Variants in C2 observed in about 807,000 individuals in gnomAD.
The protein encoded by C2 is complement C2.
Under a neutral mutation model 85.2 loss-of-function variants are expected in C2, and 64 were observed. That is an observed-to-expected ratio of 0.75 (90% CI 0.61 to 0.92). The LOEUF is 0.92. C2 is among the 40% of genes least tolerant of loss of function. The pLI, the probability that C2 is intolerant of heterozygous loss-of-function variation, is 0.00. For synonymous variants in C2, 311 were observed against 370.8 expected (o/e 0.84, Z 1.85); for missense variants, 820 against 971.6 (o/e 0.84, Z 2.07).
rs1454976162 is a variant in C2 at position 31,934,227 on chromosome 6, G to A, written c.777G>A (p.Leu259=). The A allele has an allele frequency of 6.2e-7, 1 of 1,614,156 alleles. No homozygotes were observed. The highest frequency in any genetic ancestry group is 8.5e-7 in the Non-Finnish European group (1 of 1,180,018). ...GTCATCTGAACCTCTACCTGCTCCT[G>A]GACTGTTCGCAGAGTGTGTCGGAAA... is the stretch of plus-strand genomic sequence containing the variant. The part of the protein sequence containing the change: ...RSGHLNLYLL[L]DCSQSVSEND... Residue 259 remains leucine (L), a synonymous_variant, in exon 6 of 18, where the codon CTG becomes CTA. Coordinates refer to ENST00000299367, the MANE Select transcript of C2 (RefSeq NM_000063.6).
In C2 at chr6:31,920,285, G is replaced by A. The variant is rs17201403; in HGVS notation, c.-100+259G>A. Reference sequence around the variant, plus strand: ...AGTGAGGGCAGGAGGATTCTCCCATGTGAGCCCCAGGCTATCCTTTTGTCA... The same window carrying A: ...AGTGAGGGCAGGAGGATTCTCCCATATGAGCCCCAGGCTATCCTTTTGTCA... On this transcript the variant is annotated intron_variant, in intron 1 of 3. Transcript: ENST00000413154. This position sits in a 1 kb window ranked among gnomAD's most constrained non-coding sequence, Gnocchi z 5.6. 2,213 of 152,412 alleles carry A rather than the reference G, an allele frequency of 0.015. 25 individuals carry two copies. The highest frequency in any genetic ancestry group is 0.078 in the Middle Eastern group (23 of 294). 9.4% of individuals were successfully genotyped at this position (152,412 alleles called of 1,614,324 possible).
intron 1 of C2, among the ~76,000 whole-genome samples, chr6:31,902,809 T>C (rs897956746): frequency 6.6e-6 from 1 of 152,142 alleles, no homozygotes; most frequent in Non-Finnish European, 1.5e-5. Context: ...GCAGTCGCCC[T>C]CCGCTTGTGC....
rs1267985485 is a variant in C2 at position 31,904,663 on chromosome 6, C to T, written c.73+3524C>T. Among the ~76,000 whole-genome samples the T allele has an allele frequency of 6.6e-6, 1 of 152,068 alleles. No homozygotes were observed. The highest frequency in any genetic ancestry group is 6.6e-5 in the Admixed American group (1 of 15,260). ...TTTCTATCTCATCTCTTCTTTTCCG[C>T]ATTGCCAAACTTCTCAGAAGAATAG... On this transcript the variant is annotated intron_variant, in intron 1 of 3. Coordinates refer to the C2 transcript ENST00000452202. This position sits in a 1 kb window ranked among gnomAD's most constrained non-coding sequence, Gnocchi z 4.4.
chr6:31,916,680 C>A (rs967266293), upstream of C2, among the ~76,000 whole-genome samples: 2 of 151,322 alleles, frequency 1.3e-5, no homozygotes, highest in Non-Finnish European at 2.9e-5. Context: ...GGACAGGAGG[C>A]AGGAGCATCT....
upstream of C2, among the ~76,000 whole-genome samples, chr6:31,917,000 C>T (rs1046331945): frequency 2.0e-5 from 3 of 150,832 alleles, no homozygotes; most frequent in Admixed American, 1.3e-4. Context: ...GGTGAAACCT[C>T]GTCTCTACTA....
chr6:31,916,558 CA>C (rs9279453), upstream of C2, among the ~76,000 whole-genome samples: 51,930 of 81,134 alleles, frequency 0.64, 14,175 homozygotes, highest in Middle Eastern at 0.8. Flanking sequence ...GACTCCGTCT[CA>C]AAAAAAAAAA....
chr6:31,942,186 T>C (rs1770944031), intron 9 of C2, among the ~76,000 whole-genome samples: 1 of 149,448 alleles, frequency 6.7e-6, no homozygotes, highest in Non-Finnish European at 1.5e-5. Context: ...AATGGCGCGA[T>C]CTTGGCTCAC....
chr6:31,918,398 G>T (rs996720669), upstream of C2, among the ~76,000 whole-genome samples: 4 of 151,930 alleles, frequency 2.6e-5, no homozygotes, highest in African/African-American at 7.2e-5. Flanking sequence ...GCCAGTCCGG[G>T]CAACATACTG....
At chr6:31,899,720 C>T, upstream of C2, 1 of 586,202 alleles carries the variant, frequency 1.7e-6, no homozygotes, top group Non-Finnish European at 2.9e-6. Context: ...CTCCAAGAAC[C>T]CTTTTCCCAG....
chr6:31,921,614 C>G lies in C2; in HGVS notation c.-100+1588C>G, dbSNP rs537983048. On this transcript the variant is annotated intron_variant, in intron 1 of 3. Transcript: ENST00000413154. This position sits in a 1 kb window ranked among gnomAD's most constrained non-coding sequence, Gnocchi z 4.6. ...GGAGCCATGCTGCCTGGGTTTGAAT[C>G]CCGGCTCTGCTGCTTAGTACCTGTA... 6.7e-6 allele frequency among the ~76,000 whole-genome samples: 1 copy of G among 148,806 alleles called. No homozygotes were observed. The highest frequency in any genetic ancestry group is 2.1e-4 in the South Asian group (1 of 4,816).
At chr6:31,905,557 G>A (rs889263795) in intron 1 of C2, among the ~76,000 whole-genome samples, 3 of 151,326 alleles carry the variant, frequency 2.0e-5, no homozygotes, top group Admixed American at 6.6e-5. Context: ...ACTTAAGGCC[G>A]GGAGTTTGAG....
intron 1 of C2, among the ~76,000 whole-genome samples, chr6:31,902,675 G>A: frequency 6.6e-6 from 1 of 152,142 alleles, no homozygotes; most frequent in East Asian, 1.9e-4. Context: ...CCTGAAATAT[G>A]ATTTCACTTT....
chr6:31,912,795 A>C (rs956628382), intron 1 of C2, among the ~76,000 whole-genome samples: 1 of 151,332 alleles, frequency 6.6e-6, no homozygotes, highest in African/African-American at 2.4e-5. Flanking sequence ...AGCTGAGATC[A>C]TATCACTACA....
rs374481091 is a variant in C2, at chr6:31,944,805, G to A, written c.1981G>A (p.Asp661Asn). The A allele has an allele frequency of 6.0e-5, 96 of 1,612,960 alleles. No homozygotes were observed. The highest frequency in any genetic ancestry group is 7.8e-5 in the Non-Finnish European group (92 of 1,180,030). ...NLTDVREVVT[D>N]QFLCSGTQED... ...GACAGATGTCAGGGAGGTGGTGACA[G>A]ACCAGTTCCTATGCAGTGGGACCCA... The change falls in exon 16 of 18, where the codon GAC (aspartate) becomes AAC (asparagine). Residue 661 changes from aspartate to asparagine, a missense_variant. By Grantham distance (23) the Asp-to-Asn change is conservative (BLOSUM62 1). Transcript: ENST00000299367. This position sits in a 1 kb window ranked among gnomAD's most constrained non-coding sequence, Gnocchi z 5.1.
At position 31,920,300 on chromosome 6, in the gene C2, T is replaced by A. The variant is rs932217104; in HGVS notation, c.-100+274T>A. 6 of 152,260 alleles carry A rather than the reference T, an allele frequency of 3.9e-5. No homozygotes were observed. Among genetic ancestry groups the A allele is most frequent in the African/African-American group, 1.4e-4 (6 of 41,430 alleles). The allele number at this position is 152,260 out of a possible 1,614,324, so 9.4% of individuals were successfully genotyped here. On this transcript the variant is annotated intron_variant, in intron 1 of 3. Transcript: ENST00000413154. This position sits in a 1 kb window ranked among gnomAD's most constrained non-coding sequence, Gnocchi z 5.6. ...ATTCTCCCATGTGAGCCCCAGGCTA[T>A]CCTTTTGTCAAGAGGGTACTGGTAC...
chr6:31,924,318 A>C (rs1170946993), upstream of C2, among the ~76,000 whole-genome samples: 3 of 152,178 alleles, frequency 2.0e-5, no homozygotes, highest in African/African-American at 7.2e-5. Context: ...AAATGGTCTG[A>C]GCATAAGTGG....
In C2 at chr6:31,909,618, T is replaced by A. The variant is rs371680586; in HGVS notation, c.73+8479T>A. Among the ~76,000 whole-genome samples, 18 of 151,382 alleles carry A rather than the reference T, an allele frequency of 1.2e-4. No individual in the cohort carries two copies. The East Asian group carries it at 2.9e-3, about 25-fold the overall frequency. ...CCGCCCACCTCTTTTTTTTTTTTTGTAGAGATGAAGTCTTGCTGTGTTTCC... is the reference window on the plus strand; with the variant it reads ...CCGCCCACCTCTTTTTTTTTTTTTGAAGAGATGAAGTCTTGCTGTGTTTCC... On this transcript the variant is annotated intron_variant, in intron 1 of 3. Transcript: ENST00000452202.
At chr6:31,925,288 A>G (rs569507531), upstream of C2, among the ~76,000 whole-genome samples, 1 of 151,726 alleles carries the variant, frequency 6.6e-6, no homozygotes, top group Non-Finnish European at 1.5e-5. Context: ...TCAGCCGAGT[A>G]TTGCGCTTTT....
At chr6:31,933,277 GAA>G (rs1418247626) in intron 3 of C2, among the ~76,000 whole-genome samples, 1 of 152,240 alleles carries the variant, frequency 6.6e-6, no homozygotes, top group Admixed American at 6.5e-5. Flanking sequence ...TAGAGGCTGA[GAA>G]AGTTTCACCC....
Sources: gnomAD v4.1 joint callset for allele counts (sites outside exome capture counted in the v4.1 genomes callset) on GRCh38, gnomAD v4.1.1 for gene constraint, Gnocchi (gnomAD v3.1) non-coding constraint, MANE v1.5 for transcripts, NCBI Gene and HGNC (gene_info 2026-07-23, HGNC 2026-07-21) for gene names.